TRPV4: variants seen among roughly 807,000 people sequenced by gnomAD.
The protein encoded by TRPV4 is OSM9-like transient receptor potential channel 4.
TRPV4 carries 58 observed loss-of-function variants against 84.1 expected under a neutral mutation model. That is an observed-to-expected ratio of 0.69 (90% CI 0.56 to 0.86). TRPV4 has a LOEUF of 0.86. Ranked by LOEUF, TRPV4 falls within the 40% of genes least tolerant of loss-of-function variation. TRPV4 has a pLI of 0.00. For synonymous variants in TRPV4, 489 were observed against 500.9 expected (o/e 0.98, Z 0.32); for missense variants, 879 against 1,181.1 (o/e 0.74, Z 3.75).
intron 1 of TRPV4, among the ~76,000 whole-genome samples, chr12:109,821,214 C>G (rs1424634406): frequency 6.6e-6 from 1 of 152,254 alleles, no homozygotes; most frequent in African/African-American, 2.4e-5. Flanking sequence ...TCCCTCCCTT[C>G]TGGAATCAAT....
rs192710554 is a variant in TRPV4, at chr12:109,804,432, C to G, written c.560-1289G>C. 7.2e-5 allele frequency among the ~76,000 whole-genome samples: 11 copies of G among 152,270 alleles called. 1 individual carries two copies. The highest frequency in any genetic ancestry group is 1.5e-4 in the Non-Finnish European group (10 of 68,018). On this transcript the variant is annotated intron_variant, in intron 3 of 15. Coordinates refer to ENST00000261740, the MANE Select transcript of TRPV4 (RefSeq NM_021625.5). ...GCTCCCCACAGCTGTATGACCATTT[C>G]TCTGCTTAGGGTCCTTTCTGGCTAA...
rs1555205476 is a variant in TRPV4, at chr12:109,788,729, A to G, written c.1892-13T>C. On this transcript the variant is annotated splice_polypyrimidine_tract_variant and intron_variant, in intron 12 of 15. Transcript: ENST00000261740. Reference sequence around the variant, plus strand: ...AGGGAGACCAGGGCTGTGGGAGGATAGGGGTGGCACTCACTGAGTGTGAGC... The same window carrying G: ...AGGGAGACCAGGGCTGTGGGAGGATGGGGGTGGCACTCACTGAGTGTGAGC... The G allele has an allele frequency of 6.2e-7, 1 of 1,613,906 alleles. No individual in the cohort carries two copies. Among genetic ancestry groups the G allele is most frequent in the Admixed American group, 1.7e-5 (1 of 60,010 alleles).
chr12:109,821,625 G>A (rs951743896), intron 1 of TRPV4, among the ~76,000 whole-genome samples: 1 of 152,004 alleles, frequency 6.6e-6, no homozygotes, highest in East Asian at 1.9e-4. Flanking sequence ...CGCCTCCTGG[G>A]TTCAAGCAAT....
chr12:109,818,282 G>A (rs1891947212), intron 1 of TRPV4, among the ~76,000 whole-genome samples: 1 of 152,066 alleles, frequency 6.6e-6, no homozygotes, highest in Admixed American at 6.6e-5. Flanking sequence ...GGCCTTTGCT[G>A]GGATCCGCCA....
rs572982631 is a variant in TRPV4, at chr12:109,785,059, T to C, written c.2337-622A>G. On this transcript the variant is annotated intron_variant, in intron 14 of 15. Coordinates refer to ENST00000261740, the MANE Select transcript of TRPV4 (RefSeq NM_021625.5). ...TCTTTTGAGACAGGGTCTCACTCCA[T>C]TGCCCAGGCTAGGGTGCAGTGGCAC... Among the ~76,000 whole-genome samples, 16 of 152,246 alleles carry C rather than the reference T, an allele frequency of 1.1e-4. 1 individual carries two copies. The highest frequency in any genetic ancestry group is 3.4e-4 in the African/African-American group (14 of 41,544).
intron 1 of TRPV4, among the ~76,000 whole-genome samples, chr12:109,829,682 C>T (rs184393611): frequency 4.1e-4 from 62 of 152,322 alleles, no homozygotes; most frequent in African/African-American, 1.5e-3. Flanking sequence ...GTCATCCCTG[C>T]AAAGTGGGAT....
intron 1 of TRPV4, among the ~76,000 whole-genome samples, chr12:109,831,635 C>T (rs960039139): frequency 6.6e-6 from 1 of 152,248 alleles, no homozygotes; most frequent in African/African-American, 2.4e-5. Flanking sequence ...CCAGATAAGG[C>T]AGGAGGAACC....
intron 1 of TRPV4, among the ~76,000 whole-genome samples, chr12:109,823,214 C>A (rs913074025): frequency 1.3e-5 from 2 of 152,258 alleles, no homozygotes; most frequent in African/African-American, 4.8e-5. Flanking sequence ...TAGCAGGTCT[C>A]GGCCCAGCCC....
At chr12:109,792,894 C>A in intron 10 of TRPV4, 77 bp from the exon 11 acceptor site, 1 of 1,499,594 alleles carries the variant, frequency 6.7e-7, no homozygotes, top group Admixed American at 1.8e-5. Context: ...AGACACGCCT[C>A]CAAGCCCTCC....
chr12:109,820,397 G>A (rs1305758334), intron 1 of TRPV4, among the ~76,000 whole-genome samples: 1 of 118,300 alleles, frequency 8.5e-6, no homozygotes, highest in Non-Finnish European at 1.8e-5. Flanking sequence ...CTGAGCCGGT[G>A]GGGCACATTT....
intron 1 of TRPV4, among the ~76,000 whole-genome samples, chr12:109,831,455 C>T (rs774346017): frequency 1.1e-4 from 16 of 152,242 alleles, no homozygotes; most frequent in Admixed American, 2.0e-4. Context: ...GGAGCTCCTC[C>T]CCGGGGGGCC....
intron 1 of TRPV4, among the ~76,000 whole-genome samples, chr12:109,826,312 C>T (rs1892250445): frequency 6.6e-6 from 1 of 152,246 alleles, no homozygotes; most frequent in Non-Finnish European, 1.5e-5. Flanking sequence ...GCGTGAACCA[C>T]CATGGCTGGC....
chr12:109,820,944 T>C (rs563458729), intron 1 of TRPV4, among the ~76,000 whole-genome samples: 8 of 152,366 alleles, frequency 5.3e-5, no homozygotes, highest in African/African-American at 1.9e-4. Flanking sequence ...GGCTTCTCTC[T>C]GAGAATCCCG....
intron 1 of TRPV4, among the ~76,000 whole-genome samples, chr12:109,826,594 C>T (rs563593862): frequency 6.6e-6 from 1 of 152,322 alleles, no homozygotes; most frequent in African/African-American, 2.4e-5. Context: ...GACTTCCAAC[C>T]ATCTGCTTTT....
At chr12:109,813,528 T>G (rs1269818491) in intron 2 of TRPV4, among the ~76,000 whole-genome samples, 1 of 152,124 alleles carries the variant, frequency 6.6e-6, no homozygotes, top group Non-Finnish European at 1.5e-5. Context: ...TGCATTTGTA[T>G]AAATGCATTT....
In TRPV4 at chr12:109,788,529, C is replaced by T; in HGVS notation, c.2079G>A (p.Val693=). The change falls in exon 13 of 16, where the codon GTG becomes GTA. Residue 693 remains valine, a synonymous_variant. Transcript: ENST00000261740. ...LEMLSSTKYP[V]VFIILLVTYI... ...AGGTCACCAGCAGGATGATGAAGAC[C>T]ACGGGGTACTTGGTGCTGCTCAGCA... The T allele has an allele frequency of 6.2e-7, 1 of 1,614,232 alleles. No individual in the cohort carries two copies. Among genetic ancestry groups the T allele is most frequent in the Non-Finnish European group, 8.5e-7 (1 of 1,180,048 alleles).
At chr12:109,821,782 T>C (rs1892108995) in intron 1 of TRPV4, among the ~76,000 whole-genome samples, 2 of 152,154 alleles carry the variant, frequency 1.3e-5, no homozygotes, top group Non-Finnish European at 2.9e-5. Context: ...TCCACCTGCC[T>C]CAGCCTCCCA....
chr12:109,794,109 T>C (rs1436884101), intron 8 of TRPV4, 87 bp from the exon 9 acceptor site: 6 of 1,246,652 alleles, frequency 4.8e-6, no homozygotes, highest in Non-Finnish European at 6.9e-6. Flanking sequence ...GCCCGAAACA[T>C]CGGCATCCCA....
intron 14 of TRPV4, among the ~76,000 whole-genome samples, chr12:109,785,758 T>C (rs186562190): frequency 0.012 from 1,734 of 149,432 alleles, 31 homozygotes; most frequent in Middle Eastern, 0.034. Flanking sequence ...AGAGGCTGGG[T>C]GTGGTGGCTC....
Sources: gnomAD v4.1 joint callset for allele counts (sites outside exome capture counted in the v4.1 genomes callset) on GRCh38, gnomAD v4.1.1 for gene constraint, MANE v1.5 for transcripts, NCBI Gene and HGNC (gene_info 2026-07-23, HGNC 2026-07-21) for gene names.